Variants in IL23R observed in about 807,000 individuals in gnomAD.
The protein encoded by IL23R is interleukin-23 receptor.
A neutral mutation model predicts 56.9 loss-of-function variants in IL23R; 34 were observed. The observed-to-expected ratio is 0.60, with a 90% CI of 0.45 to 0.80. IL23R has a LOEUF of 0.80. IL23R is among the 30% of genes least tolerant of loss of function. IL23R has a pLI of 0.00. For missense variants in IL23R, 635 were observed against 730.0 expected (o/e 0.87, Z 1.50); for synonymous variants, 230 against 249.2 (o/e 0.92, Z 0.73).
chr1:67,198,759 T>C (rs1289990732), intron 4 of IL23R, among the ~76,000 whole-genome samples: 1 of 152,136 alleles, frequency 6.6e-6, no homozygotes, highest in Non-Finnish European at 1.5e-5. Context: ...AGCCTGGGTA[T>C]CATGGGAAAA....
At chr1:67,207,245 G>C in intron 6 of IL23R, 190 bp downstream of exon 6, 1 of 699,402 alleles carries the variant, frequency 1.4e-6, no homozygotes, top group Non-Finnish European at 2.5e-6. Context: ...ACATGTGCAG[G>C]TTTGTTACCT....
chr1:67,193,811 T>C (rs1275770215), intron 4 of IL23R, among the ~76,000 whole-genome samples: 1 of 152,178 alleles, frequency 6.6e-6, no homozygotes, highest in Non-Finnish European at 1.5e-5. Flanking sequence ...TCTAATTTAA[T>C]TCAATTCTGA....
chr1:67,206,884 C>CTTTTTTTTTTTT lies in IL23R; in HGVS notation c.653-16_653-5dup, dbSNP rs557919248. The CTTTTTTTTTTTT allele has an allele frequency of 8.8e-5, 105 of 1,190,680 alleles. 2 individuals are homozygous for CTTTTTTTTTTTT. Among genetic ancestry groups the CTTTTTTTTTTTT allele is most frequent in the Admixed American group, 5.6e-4 (15 of 26,644 alleles). 73.8% of individuals were successfully genotyped at this position (1,190,680 alleles called of 1,614,324 possible). On this transcript the variant is annotated intron_variant, in intron 5 of 10. Transcript: ENST00000347310. The stretch of plus-strand genomic sequence containing the variant: ...CTAGGCAAGTTTTAAACAGCCAGGT[C>CTTTTTTTTTTTT]TTTTTTTTTTTTTTTTTTTTTCTAG...
intron 7 of IL23R, among the ~76,000 whole-genome samples, chr1:67,230,896 T>C (rs1651059334): frequency 6.6e-6 from 1 of 152,206 alleles, no homozygotes; most frequent in South Asian, 2.1e-4. Flanking sequence ...AGAGCTAAAC[T>C]GGCCTGGCTT....
chr1:67,165,114 TG>T (rs566552531), upstream of IL23R, among the ~76,000 whole-genome samples: 162 of 151,770 alleles, frequency 1.1e-3, 5 homozygotes, highest in Middle Eastern at 3.4e-3. Flanking sequence ...GAAGCTGAAA[TG>T]GGAGGATCAC....
chr1:67,218,228 A>C (rs748092628), intron 6 of IL23R, among the ~76,000 whole-genome samples: 26 of 151,538 alleles, frequency 1.7e-4, no homozygotes, highest in Admixed American at 2.0e-4. Flanking sequence ...TGGATTTCTC[A>C]GTTCAACTTT....
At chr1:67,146,613 AGGC>A (rs1558214817) in intron 1 of IL23R, among the ~76,000 whole-genome samples, 1 of 152,228 alleles carries the variant, frequency 6.6e-6, no homozygotes, top group African/African-American at 2.4e-5. Flanking sequence ...ATTATCTTTT[AGGC>A]ATGCTTCTGT....
intron 1 of IL23R, among the ~76,000 whole-genome samples, chr1:67,139,859 G>T (rs777395009): frequency 6.6e-6 from 1 of 152,192 alleles, no homozygotes; most frequent in East Asian, 1.9e-4. Flanking sequence ...CCTTTAAAAG[G>T]TTCTTGGGTC....
chr1:67,145,025 C>T (rs1646667396), intron 1 of IL23R, among the ~76,000 whole-genome samples: 1 of 152,148 alleles, frequency 6.6e-6, no homozygotes, highest in Non-Finnish European at 1.5e-5. Flanking sequence ...TTCACCTAGT[C>T]GCTGAGAATG....
chr1:67,242,271 A>C (rs538887161), intron 9 of IL23R, among the ~76,000 whole-genome samples: 6 of 152,172 alleles, frequency 3.9e-5, no homozygotes, highest in African/African-American at 1.4e-4. Context: ...GAACCCTTAA[A>C]ATTTCTCACC....
chr1:67,159,416 C>T (rs1384866806), intron 1 of IL23R, among the ~76,000 whole-genome samples: 1 of 152,090 alleles, frequency 6.6e-6, no homozygotes, highest in African/African-American at 2.4e-5. Flanking sequence ...TCTGAGGCCT[C>T]CTAGTCATGC....
intron 5 of IL23R, among the ~76,000 whole-genome samples, chr1:67,203,853 A>G (rs998295668): frequency 2.0e-5 from 3 of 152,228 alleles, no homozygotes; most frequent in Non-Finnish European, 4.4e-5. Context: ...CCAAAAAAGC[A>G]TATGAGAGGA....
intron 4 of IL23R, among the ~76,000 whole-genome samples, chr1:67,191,893 A>G (rs1002103356): frequency 2.0e-5 from 3 of 152,178 alleles, no homozygotes; most frequent in African/African-American, 7.2e-5. Flanking sequence ...TGGAAACTTT[A>G]TCTCAGTCTC....
intron 4 of IL23R, among the ~76,000 whole-genome samples, chr1:67,189,768 A>G (rs961192842): frequency 6.6e-6 from 1 of 152,102 alleles, no homozygotes; most frequent in Non-Finnish European, 1.5e-5. Flanking sequence ...AACATGGCGA[A>G]AAATACAAAA....
chr1:67,212,695 C>A (rs1460075830), intron 6 of IL23R, among the ~76,000 whole-genome samples: 2 of 151,852 alleles, frequency 1.3e-5, no homozygotes, highest in African/African-American at 2.4e-5. Flanking sequence ...AGGAGAGTGC[C>A]ACCATGCCCA....
intron 1 of IL23R, among the ~76,000 whole-genome samples, chr1:67,141,505 C>A (rs767982754): frequency 2.0e-5 from 3 of 152,108 alleles, no homozygotes; most frequent in African/African-American, 7.2e-5. Context: ...TGTCTATAAT[C>A]CCAGCACTTT....
At chr1:67,204,167 C>T (rs1324059734) in intron 5 of IL23R, among the ~76,000 whole-genome samples, 1 of 152,072 alleles carries the variant, frequency 6.6e-6, no homozygotes, top group Non-Finnish European at 1.5e-5. Context: ...GGGTTCACGC[C>T]ATTCTCCTGC....
At chr1:67,214,411 A>G (rs1406465823) in intron 6 of IL23R, among the ~76,000 whole-genome samples, 1 of 152,258 alleles carries the variant, frequency 6.6e-6, no homozygotes, top group Non-Finnish European at 1.5e-5. Context: ...CCCTATTTAT[A>G]TAATGGAGCT....
At chr1:67,207,115 A>T in intron 6 of IL23R, 60 bp downstream of exon 6, 1 of 1,465,190 alleles carries the variant, frequency 6.8e-7, no homozygotes, top group Non-Finnish European at 9.6e-7. Context: ...GCCAACCATC[A>T]GTGGCTACAG....
Sources: allele counts gnomAD v4.1 joint callset (sites outside exome capture counted in the v4.1 genomes callset), GRCh38; gene constraint gnomAD v4.1.1; transcripts MANE v1.5; gene names NCBI Gene and HGNC (gene_info 2026-07-23, HGNC 2026-07-21).